Variants in SERGEF observed in about 807,000 individuals in gnomAD.
SERGEF encodes the protein secretion regulating guanine nucleotide exchange factor.
Under a neutral mutation model 50.0 loss-of-function variants are expected in SERGEF, and 51 were observed. The ratio of observed to expected loss-of-function variants is 1.02; its 90% CI spans 0.81 to 1.29. The LOEUF is 1.29. SERGEF is among the 50% of genes most tolerant of loss of function. The probability of loss-of-function intolerance (pLI) is 0.00; values close to 1 mark genes in which losing one functional copy is unlikely to be tolerated. For missense variants in SERGEF, 521 were observed against 557.0 expected, an observed-to-expected ratio of 0.94 and a Z score of 0.65; for synonymous variants, 205 against 212.4, an observed-to-expected ratio of 0.97 and a Z score of 0.30.
intron 9 of SERGEF, among the ~76,000 whole-genome samples, chr11:17,885,555 T>C (rs776175425): frequency 2.0e-5 from 3 of 151,962 alleles, no homozygotes; most frequent in Non-Finnish European, 4.4e-5. Flanking sequence ...AACTCCTGGC[T>C]TCAAGCGACC....
At chr11:17,813,819 T>G (rs778979407) in intron 10 of SERGEF, among the ~76,000 whole-genome samples, 2 of 152,228 alleles carry the variant, frequency 1.3e-5, no homozygotes, top group African/African-American at 2.4e-5. Context: ...GGAGGAAAAC[T>G]CGTTATCTGT....
At chr11:17,897,195 C>T (rs756666831) in intron 9 of SERGEF, among the ~76,000 whole-genome samples, 3 of 152,152 alleles carry the variant, frequency 2.0e-5, no homozygotes, top group Admixed American at 6.5e-5. Flanking sequence ...CTATTGCTGA[C>T]GACAACTCAA....
chr11:17,851,691 C>T (rs964361678), intron 10 of SERGEF, among the ~76,000 whole-genome samples: 1 of 152,148 alleles, frequency 6.6e-6, no homozygotes, highest in Non-Finnish European at 1.5e-5. Context: ...TAAAGGCTGG[C>T]GTGGCAGTGA....
At position 17,903,847 on chromosome 11, in the gene SERGEF, G is replaced by C. The variant is rs576315201; in HGVS notation, c.1012-25603C>G. Among the ~76,000 whole-genome samples, 3 of 152,348 alleles carry C rather than the reference G, an allele frequency of 2.0e-5. No homozygotes were observed. In the East Asian group the frequency reaches 5.8e-4, roughly 29 times the overall value. On this transcript the variant is annotated intron_variant, in intron 9 of 10. Coordinates refer to ENST00000265965, the MANE Select transcript of SERGEF (RefSeq NM_012139.4). ...ACTGAGGAGTCATTAATGTAGGGAA[G>C]AGGACAGCCGTGGAGAAAAAGGGAA...
chr11:17,852,782 T>C (rs546175990), intron 10 of SERGEF, among the ~76,000 whole-genome samples: 59 of 152,330 alleles, frequency 3.9e-4, no homozygotes, highest in African/African-American at 1.3e-3. Flanking sequence ...TAGATGTTAG[T>C]ATCTCCATTT....
At chr11:17,911,039 T>C (rs1418869605) in intron 9 of SERGEF, among the ~76,000 whole-genome samples, 4 of 152,130 alleles carry the variant, frequency 2.6e-5, no homozygotes, top group Non-Finnish European at 5.9e-5. Context: ...CAAACGCTTA[T>C]TAAACACCTA....
chr11:17,896,398 A>G (rs914898904), intron 9 of SERGEF, among the ~76,000 whole-genome samples: 1 of 152,124 alleles, frequency 6.6e-6, no homozygotes, highest in African/African-American at 2.4e-5. Context: ...TCAATATTAC[A>G]GTTCATAGGT....
intron 7 of SERGEF, among the ~76,000 whole-genome samples, chr11:17,989,946 A>T (rs1365578292): frequency 6.6e-6 from 1 of 152,234 alleles, no homozygotes; most frequent in Non-Finnish European, 1.5e-5. Flanking sequence ...TTTTTGAACT[A>T]TGGCTCATAT....
chr11:17,822,199 A>T (rs750586082), intron 10 of SERGEF, among the ~76,000 whole-genome samples: 4 of 152,226 alleles, frequency 2.6e-5, no homozygotes, highest in Non-Finnish European at 5.9e-5. Context: ...AGGAGATGAC[A>T]AACTCTTTCC....
chr11:17,987,683 T>C (rs902007616), intron 8 of SERGEF, among the ~76,000 whole-genome samples: 3 of 152,162 alleles, frequency 2.0e-5, no homozygotes, highest in Non-Finnish European at 4.4e-5. Flanking sequence ...CATTTGTGTA[T>C]AGAAATGCGT....
chr11:17,878,770 A>G (rs1851286785), intron 9 of SERGEF, among the ~76,000 whole-genome samples: 1 of 152,154 alleles, frequency 6.6e-6, no homozygotes, highest in African/African-American at 2.4e-5. Context: ...TTCTTTCAAC[A>G]CGTCATGTTC....
chr11:17,866,109 G>T (rs1424876382), intron 10 of SERGEF, among the ~76,000 whole-genome samples: 1 of 152,230 alleles, frequency 6.6e-6, no homozygotes, highest in Non-Finnish European at 1.5e-5. Flanking sequence ...CTGTCTCCCT[G>T]TCTGGCAAAC....
chr11:17,923,249 T>C (rs2133940913), intron 9 of SERGEF, among the ~76,000 whole-genome samples: 1 of 152,352 alleles, frequency 6.6e-6, no homozygotes, highest in Middle Eastern at 3.4e-3. Context: ...ACTGGATCCT[T>C]AGTCCCTGGA....
intron 10 of SERGEF, among the ~76,000 whole-genome samples, chr11:17,817,213 ATTTT>A (rs36024602): frequency 2.2e-5 from 3 of 135,154 alleles, no homozygotes; most frequent in Non-Finnish European, 1.6e-5. Flanking sequence ...CTTTCCATGT[ATTTT>A]TTTTTTTTTT....
chr11:17,940,485 A>C (rs1852541281), intron 9 of SERGEF, among the ~76,000 whole-genome samples: 1 of 152,152 alleles, frequency 6.6e-6, no homozygotes, highest in African/African-American at 2.4e-5. Flanking sequence ...TAAACAAGAC[A>C]GTGTACATGT....
intron 9 of SERGEF, among the ~76,000 whole-genome samples, chr11:17,889,816 G>A (rs1360278507): frequency 2.6e-5 from 4 of 152,122 alleles, no homozygotes; most frequent in South Asian, 2.1e-4. Flanking sequence ...CAACTCTTCC[G>A]TGAGTTTGAA....
chr11:17,811,205 ATC>A (rs1565173793), intron 10 of SERGEF, among the ~76,000 whole-genome samples: 1 of 152,238 alleles, frequency 6.6e-6, no homozygotes, highest in Non-Finnish European at 1.5e-5. Flanking sequence ...AAGAGACTTG[ATC>A]AAAGTCACAC....
intron 9 of SERGEF, among the ~76,000 whole-genome samples, chr11:17,954,278 C>T (rs1852822764): frequency 6.6e-6 from 1 of 152,090 alleles, no homozygotes; most frequent in South Asian, 2.1e-4. Context: ...AGTCTTGACA[C>T]AAACTTAAAA....
intron 9 of SERGEF, among the ~76,000 whole-genome samples, chr11:17,886,590 T>G (rs769360947): frequency 2.0e-5 from 3 of 152,078 alleles, no homozygotes; most frequent in Non-Finnish European, 4.4e-5. Context: ...TACTCCAGCC[T>G]GGGCGAGTAC....
Sources: gnomAD v4.1 joint callset for allele counts (sites outside exome capture counted in the v4.1 genomes callset) on GRCh38, gnomAD v4.1.1 for gene constraint, MANE v1.5 for transcripts, NCBI Gene and HGNC (gene_info 2026-07-23, HGNC 2026-07-21) for gene names.